ANKRD6: variants seen among roughly 807,000 people sequenced by gnomAD.
The protein encoded by ANKRD6 is ankyrin repeat domain-containing protein 6.
A neutral mutation model predicts 82.3 loss-of-function variants in ANKRD6; 56 were observed. That is an observed-to-expected ratio of 0.68 (90% CI 0.55 to 0.85). The LOEUF (loss-of-function observed/expected upper bound fraction) is 0.85. Among genes scored for constraint, ANKRD6 ranks in the 40% least tolerant of loss-of-function variants. The pLI, the probability that ANKRD6 is intolerant of heterozygous loss-of-function variation, is 0.00. For missense variants in ANKRD6, 852 were observed against 907.6 expected (o/e 0.94, Z 0.79); for synonymous variants, 347 against 352.1 (o/e 0.99, Z 0.16).
At chr6:89,435,593 C>A (rs892149136) in intron 1 of ANKRD6, among the ~76,000 whole-genome samples, 1 of 152,156 alleles carries the variant, frequency 6.6e-6, no homozygotes, top group Non-Finnish European at 1.5e-5. Flanking sequence ...ATCTTTTAGT[C>A]TCTGTCTTCT....
At position 89,632,708 on chromosome 6, in the gene ANKRD6, C is replaced by T. The variant is rs926972879; in HGVS notation, c.*1704C>T. 9 of 152,164 alleles carry T rather than the reference C, an allele frequency of 5.9e-5. No homozygotes were observed. Among genetic ancestry groups the T allele is most frequent in the Admixed American group, 4.6e-4 (7 of 15,268 alleles). The allele number at this position is 152,164 out of a possible 1,614,324, so 9.4% of individuals were successfully genotyped here. On this transcript the variant is annotated 3_prime_UTR_variant, in exon 16 of 16. Transcript: ENST00000339746. Reference sequence around the variant, plus strand: ...TACTACGCAGGTAGACAGTCTTCCCCCAGAGACTCATTAGATTGCAATATA... The same window carrying T: ...TACTACGCAGGTAGACAGTCTTCCCTCAGAGACTCATTAGATTGCAATATA...
chr6:89,507,743 T>C (rs550135074), intron 1 of ANKRD6, among the ~76,000 whole-genome samples: 1 of 152,296 alleles, frequency 6.6e-6, no homozygotes, highest in Non-Finnish European at 1.5e-5. Context: ...TGGGATAAAA[T>C]AAAGTAGCAC....
At chr6:89,575,374 A>G (rs1015892797) in intron 2 of ANKRD6, among the ~76,000 whole-genome samples, 6 of 152,172 alleles carry the variant, frequency 3.9e-5, no homozygotes, top group Non-Finnish European at 7.3e-5. Flanking sequence ...GAGGGCAGGA[A>G]GAGGTCAGAG....
chr6:89,473,715 A>C (rs562243388), intron 1 of ANKRD6, among the ~76,000 whole-genome samples: 3 of 152,148 alleles, frequency 2.0e-5, no homozygotes, highest in Non-Finnish European at 2.9e-5. Flanking sequence ...GTGGTGGCTC[A>C]CGCCTGTAAT....
intron 1 of ANKRD6, among the ~76,000 whole-genome samples, chr6:89,505,918 C>A (rs559353113): frequency 6.6e-6 from 1 of 152,254 alleles, no homozygotes; most frequent in South Asian, 2.1e-4. Flanking sequence ...CGAAAACATG[C>A]GTGAACCTGC....
Position 89,613,809 on chromosome 6 carries a change from G to A in ANKRD6, c.534G>A (p.Leu178=), listed in dbSNP as rs1306898144. 1.9e-6 allele frequency: 3 copies of A among 1,613,940 alleles called. No homozygotes were observed. Among genetic ancestry groups the A allele is most frequent in the Non-Finnish European group, 2.5e-6 (3 of 1,179,908 alleles). Residue 178 remains leucine, a synonymous_variant, in exon 7 of 16, where the codon TTG becomes TTA. Transcript: ENST00000339746. ...GTCCGCAGGCAGGAGACACCTGTTT[G>A]CACGTTGCTGCGCGCTATAATCACT... is the stretch of plus-strand genomic sequence containing the variant. ...DLKNNAGDTC[L]HVAARYNHLS... is the part of the protein sequence containing the mutation.
At chr6:89,471,167 A>ATGGCAAAACCACC (rs1350294459) in intron 1 of ANKRD6, among the ~76,000 whole-genome samples, 54 of 152,086 alleles carry the variant, frequency 3.6e-4, no homozygotes, top group African/African-American at 1.3e-3. Context: ...CCTGGCCAAC[A>ATGGCAAAACCACC]TGGCAAAACC....
At chr6:89,629,521 A>C (rs1300427812) in intron 15 of ANKRD6, 2 of 417,372 alleles carry the variant, frequency 4.8e-6, no homozygotes, top group Non-Finnish European at 9.1e-6. Flanking sequence ...ATAGTATCAG[A>C]GTGGACCCCA....
chr6:89,511,739 T>C (rs906547255), intron 1 of ANKRD6, among the ~76,000 whole-genome samples: 2 of 152,232 alleles, frequency 1.3e-5, no homozygotes, highest in African/African-American at 4.8e-5. Context: ...ATTGTTGATG[T>C]CACTATTCCC....
At chr6:89,571,290 G>A (rs754971628) in intron 2 of ANKRD6, among the ~76,000 whole-genome samples, 5 of 152,084 alleles carry the variant, frequency 3.3e-5, no homozygotes, top group Non-Finnish European at 5.9e-5. Flanking sequence ...TCCTGACCTC[G>A]TGATCCGCTG....
intron 1 of ANKRD6, among the ~76,000 whole-genome samples, chr6:89,464,932 A>G (rs1774654115): frequency 6.6e-6 from 1 of 152,172 alleles, no homozygotes; most frequent in Non-Finnish European, 1.5e-5. Flanking sequence ...TAGAGAAGGG[A>G]ATAGGTGACT....
At position 89,437,515 on chromosome 6, in the gene ANKRD6, A is replaced by G. The variant is rs539864962; in HGVS notation, c.-144+4140A>G. 6.6e-5 allele frequency among the ~76,000 whole-genome samples: 10 copies of G among 152,276 alleles called. No individual in the cohort carries two copies. The South Asian group carries it at 1.9e-3, about 28-fold the overall frequency. ...CTAGAAAAATATGAAGTAAATAATA[A>G]TATATTAGGTACACAGCTATGGAAA... On this transcript the variant is annotated intron_variant, in intron 1 of 15. Transcript: ENST00000339746.
intron 2 of ANKRD6, among the ~76,000 whole-genome samples, chr6:89,569,639 A>C (rs1441043478): frequency 2.6e-5 from 4 of 152,212 alleles, no homozygotes; most frequent in Non-Finnish European, 5.9e-5. Context: ...TCGTATGGCA[A>C]ATCTGTTTAA....
At chr6:89,567,579 G>A in intron 2 of ANKRD6, among the ~76,000 whole-genome samples, 1 of 152,164 alleles carries the variant, frequency 6.6e-6, no homozygotes, top group East Asian at 1.9e-4. Flanking sequence ...GTAAGCTTTG[G>A]AGGGCATTGC....
At chr6:89,562,067 A>G (rs554944388) in intron 1 of ANKRD6, among the ~76,000 whole-genome samples, 401 of 152,334 alleles carry the variant, frequency 2.6e-3, no homozygotes, top group Non-Finnish European at 4.2e-3. Context: ...GCTCAAGTCA[A>G]AATGAAAGCC....
intron 1 of ANKRD6, among the ~76,000 whole-genome samples, chr6:89,525,017 G>A (rs117104926): frequency 2.1e-4 from 32 of 152,034 alleles, no homozygotes; most frequent in Non-Finnish European, 3.8e-4. Context: ...AAATTAGGCT[G>A]GGTGTGGTGG....
intron 11 of ANKRD6, 81 bp from the exon 12 acceptor site, chr6:89,623,791 G>T: frequency 6.9e-7 from 1 of 1,447,294 alleles, no homozygotes; most frequent in Non-Finnish European, 9.3e-7. Context: ...TGCCCAAATG[G>T]GGTGACATGG....
intron 1 of ANKRD6, among the ~76,000 whole-genome samples, chr6:89,459,365 A>T (rs1176753972): frequency 1.3e-5 from 2 of 152,218 alleles, no homozygotes; most frequent in Non-Finnish European, 2.9e-5. Context: ...GGCATGAGCC[A>T]CCATGCCTGG....
intron 1 of ANKRD6, among the ~76,000 whole-genome samples, chr6:89,471,462 C>T (rs758746126): frequency 7.3e-5 from 11 of 151,680 alleles, no homozygotes; most frequent in Admixed American, 1.3e-4. Flanking sequence ...GATGGGACCC[C>T]TAGAGAGTAA....
Sources: gnomAD v4.1 joint callset for allele counts (sites outside exome capture counted in the v4.1 genomes callset) on GRCh38, gnomAD v4.1.1 for gene constraint, MANE v1.5 for transcripts, NCBI Gene and HGNC (gene_info 2026-07-23, HGNC 2026-07-21) for gene names.